TASP1: variants seen among roughly 807,000 people sequenced by gnomAD.
The protein encoded by TASP1 is threonine aspartase 1.
TASP1 carries 16 observed loss-of-function variants against 56.6 expected under a neutral mutation model. The ratio of observed to expected loss-of-function variants is 0.28; its 90% CI spans 0.19 to 0.43. The LOEUF (loss-of-function observed/expected upper bound fraction) is 0.43, where lower values mean the gene tolerates loss of function less well. TASP1 is among the 20% of genes least tolerant of loss of function. TASP1 has a pLI of 1.00. For synonymous variants in TASP1, 179 were observed against 184.2 expected (o/e 0.97, Z 0.23); for missense variants, 393 against 511.6 (o/e 0.77, Z 2.24).
chr20:13,325,164 G>A, the TASP1 span, among the ~76,000 whole-genome samples: 1 of 152,186 alleles, frequency 6.6e-6, no homozygotes, highest in African/African-American at 2.4e-5. Context: ...CGACAAATGG[G>A]GTGAGGTGGG....
rs1474029072 is a variant in TASP1 at position 13,498,329 on chromosome 20, TTTTGTGTGTGTG to T, written c.875-15004_875-14993del. Among the ~76,000 whole-genome samples, 526 of 116,040 alleles carry T rather than the reference TTTTGTGTGTGTG, an allele frequency of 4.5e-3. 4 individuals are homozygous for T. The highest frequency in any genetic ancestry group is 0.015 in the African/African-American group (469 of 31,054). The allele number at this position is 116,040 out of a possible 152,430, so 76.1% of individuals were successfully genotyped here. A position where few individuals can be genotyped will look rare whatever the true frequency, so the allele number is the denominator to read the frequency against. ...ACATGAACAAACACTTTTTCTTTTC[TTTTGTGTGTGTG>T]TGTGTGTGTGTGTGTGTGTGTGTGT... On this transcript the variant is annotated intron_variant, in intron 10 of 13. Transcript: ENST00000337743.
chr20:13,235,697 T>C, the TASP1 span, among the ~76,000 whole-genome samples: 1 of 152,170 alleles, frequency 6.6e-6, no homozygotes, highest in Middle Eastern at 3.2e-3. Flanking sequence ...TCCATCTTTT[T>C]TCAGAATGGT....
rs926035085 is a variant in TASP1, at chr20:13,565,377, A to G, written c.568+4130T>C. Among the ~76,000 whole-genome samples the G allele has an allele frequency of 2.0e-5, 3 of 152,128 alleles. 1 individual carries two copies. The South Asian group carries it at 6.2e-4, about 32-fold the overall frequency. On this transcript the variant is annotated intron_variant, in intron 7 of 13. Coordinates refer to ENST00000337743, the MANE Select transcript of TASP1 (RefSeq NM_017714.3). ...AATAGATAAAAATTTAAAAGACACA[A>G]TGGAGTGAAAGACACAATCAATGGA...
intron 8 of TASP1, among the ~76,000 whole-genome samples, chr20:13,534,502 C>T (rs1421343047): frequency 6.6e-6 from 1 of 152,004 alleles, no homozygotes; most frequent in Non-Finnish European, 1.5e-5. Flanking sequence ...GTAGAGGAAA[C>T]CATCGGTGGC....
chr20:13,415,124 C>G (rs1012875100), intron 13 of TASP1, among the ~76,000 whole-genome samples: 1 of 152,120 alleles, frequency 6.6e-6, no homozygotes, highest in African/African-American at 2.4e-5. Flanking sequence ...CCTTCTTACT[C>G]ATTTCGCTAC....
intron 11 of TASP1, among the ~76,000 whole-genome samples, chr20:13,455,532 T>C (rs991717578): frequency 1.3e-5 from 2 of 152,054 alleles, no homozygotes; most frequent in African/African-American, 4.8e-5. Flanking sequence ...GGTGGGAGAA[T>C]GGTGGAATCA....
chr20:13,540,204 A>T (rs2045570760), intron 8 of TASP1, among the ~76,000 whole-genome samples: 1 of 152,204 alleles, frequency 6.6e-6, no homozygotes, highest in African/African-American at 2.4e-5. Flanking sequence ...AACTGCATTC[A>T]TCCTATCAAA....
chr20:13,626,906 C>CG lies in TASP1; in HGVS notation c.146-1655_146-1654insC, dbSNP rs142991029. 9.1e-3 allele frequency among the ~76,000 whole-genome samples: 1,084 copies of CG among 118,530 alleles called. 14 individuals carry two copies. The highest frequency in any genetic ancestry group is 0.029 in the African/African-American group (1,021 of 34,646). 77.8% of individuals were successfully genotyped at this position (118,530 alleles called of 152,430 possible). ...TAATAAAAGTCTCAGCAGAGCCCCC[C>CG]CCCCACCCCGTACATCTTTAATTCC... On this transcript the variant is annotated intron_variant, in intron 2 of 13. Transcript: ENST00000337743.
chr20:13,156,844 G>T, the TASP1 span, among the ~76,000 whole-genome samples: 1 of 152,152 alleles, frequency 6.6e-6, no homozygotes, highest in African/African-American at 2.4e-5. Context: ...CACCACGGTT[G>T]CATGGCTCTC....
At chr20:13,422,170 C>T (rs148209849) in intron 12 of TASP1, among the ~76,000 whole-genome samples, 51 of 152,092 alleles carry the variant, frequency 3.4e-4, no homozygotes, top group African/African-American at 9.9e-4. Flanking sequence ...CCAGGATGGT[C>T]TCTCGTTCTC....
At chr20:13,371,075 T>A in the TASP1 span, among the ~76,000 whole-genome samples, 3 of 152,306 alleles carry the variant, frequency 2.0e-5, no homozygotes, top group South Asian at 4.1e-4. Flanking sequence ...TTGGCCGTTC[T>A]AGCTAACAGT....
chr20:13,392,295 T>C (rs1396092474), intron 13 of TASP1, among the ~76,000 whole-genome samples: 2 of 152,174 alleles, frequency 1.3e-5, no homozygotes, highest in Non-Finnish European at 2.9e-5. Flanking sequence ...GCCCTGCTCA[T>C]ACATCTCTCT....
chr20:13,429,970 C>T (rs2042750110), intron 12 of TASP1, among the ~76,000 whole-genome samples: 1 of 151,986 alleles, frequency 6.6e-6, no homozygotes, highest in African/African-American at 2.4e-5. Context: ...ATAGAAAGAA[C>T]TCTGGGAGCA....
At chr20:13,238,979 C>T in the TASP1 span, 1 of 152,342 alleles carries the variant, frequency 6.6e-6, no homozygotes, top group African/African-American at 2.4e-5. Context: ...CAGGAAGACA[C>T]GAACCAGGTG....
At chr20:13,377,686 G>C in the TASP1 span, among the ~76,000 whole-genome samples, 1 of 152,200 alleles carries the variant, frequency 6.6e-6, no homozygotes, top group East Asian at 1.9e-4. Flanking sequence ...GAATTCAGCT[G>C]TGAATCCATC....
At chr20:13,516,666 T>A (rs916680061) in intron 10 of TASP1, among the ~76,000 whole-genome samples, 1 of 151,504 alleles carries the variant, frequency 6.6e-6, no homozygotes, top group Non-Finnish European at 1.5e-5. Context: ...TTGTTTTTTT[T>A]TTTTTTTTTT....
intron 4 of TASP1, among the ~76,000 whole-genome samples, chr20:13,614,016 C>T (rs796546359): frequency 5.3e-5 from 8 of 152,196 alleles, no homozygotes; most frequent in African/African-American, 1.7e-4. Context: ...TATCTCAGGA[C>T]ATATTTACAG....
At chr20:13,366,689 C>T in the TASP1 span, among the ~76,000 whole-genome samples, 1 of 152,210 alleles carries the variant, frequency 6.6e-6, no homozygotes, top group South Asian at 2.1e-4. Flanking sequence ...AGGTCTTCTT[C>T]ATTTCACCCA....
At chr20:13,317,658 C>T in the TASP1 span, among the ~76,000 whole-genome samples, 7 of 152,028 alleles carry the variant, frequency 4.6e-5, no homozygotes, top group African/African-American at 1.7e-4. Context: ...GTCAGTTGAC[C>T]TTTGACAAGG....
Sources: allele counts gnomAD v4.1 joint callset (sites outside exome capture counted in the v4.1 genomes callset), GRCh38; gene constraint gnomAD v4.1.1; transcripts MANE v1.5; gene names NCBI Gene and HGNC (gene_info 2026-07-23, HGNC 2026-07-21).